MYO5C: variants seen among roughly 807,000 people sequenced by gnomAD.
MYO5C encodes the protein unconventional myosin-Vc.
MYO5C carries 194 observed loss-of-function variants against 235.7 expected under a neutral mutation model. That is an observed-to-expected ratio of 0.82 (90% CI 0.73 to 0.93). The LOEUF (loss-of-function observed/expected upper bound fraction) is 0.93, where lower values mean the gene tolerates loss of function less well. Among genes scored for constraint, MYO5C ranks in the 40% least tolerant of loss-of-function variants. The pLI is 0.00. For synonymous variants in MYO5C, 707 were observed against 754.8 expected (o/e 0.94, Z 1.04); for missense variants, 2,038 against 2,127.2 (o/e 0.96, Z 0.82).
chr15:52,256,473 A>T (rs1209390894), intron 11 of MYO5C, among the ~76,000 whole-genome samples, 166 bp downstream of exon 11: 1 of 151,826 alleles, frequency 6.6e-6, no homozygotes, highest in African/African-American at 2.4e-5. Flanking sequence ...TGATTTCAAG[A>T]TTTGGCCACA....
chr15:52,193,636 G>A lies in MYO5C; in HGVS notation c.*266C>T, dbSNP rs975023332. 2.3e-5 allele frequency: 9 copies of A among 397,298 alleles called. No individual in the cohort carries two copies. Among genetic ancestry groups the A allele is most frequent in the African/African-American group, 6.4e-5 (3 of 46,880 alleles). 24.6% of individuals were successfully genotyped at this position (397,298 alleles called of 1,614,324 possible). ...TCAAGAGGCACGTGGAAGAAAATAT[G>A]AGCCCTCCAGGAATTTCAGTGAAAA... is the stretch of plus-strand genomic sequence containing the variant. On this transcript the variant is annotated 3_prime_UTR_variant, in exon 41 of 41. Transcript: ENST00000261839.
chr15:52,285,734 T>C (rs891898341), intron 1 of MYO5C, among the ~76,000 whole-genome samples: 6 of 152,226 alleles, frequency 3.9e-5, no homozygotes, highest in African/African-American at 1.4e-4. Flanking sequence ...GCTTCCCGAG[T>C]TGCTGGGATT....
chr15:52,261,169 C>T, intron 9 of MYO5C, 42 bp from the exon 10 acceptor site: 1 of 1,603,466 alleles, frequency 6.2e-7, no homozygotes, highest in Non-Finnish European at 8.5e-7. Flanking sequence ...GCCCAGCCAT[C>T]CAAAGACACA....
At chr15:52,203,577 C>T (rs1301582854) in intron 38 of MYO5C, among the ~76,000 whole-genome samples, 1 of 152,122 alleles carries the variant, frequency 6.6e-6, no homozygotes, top group Non-Finnish European at 1.5e-5. Context: ...AACTCCTGAC[C>T]TCAGGTGATC....
intron 30 of MYO5C, 33 bp from the exon 31 acceptor site, chr15:52,219,855 G>C: frequency 6.5e-7 from 1 of 1,529,804 alleles, no homozygotes. Flanking sequence ...TACTTTGGGG[G>C]GGCACATATC....
At chr15:52,227,520 T>C (rs1028549623) in intron 25 of MYO5C, among the ~76,000 whole-genome samples, 10 of 152,004 alleles carry the variant, frequency 6.6e-5, no homozygotes, top group South Asian at 4.1e-4. Flanking sequence ...ATGGATCACA[T>C]TGGAGAGTGA....
In MYO5C at chr15:52,218,585, A is replaced by G; in HGVS notation, c.3888T>C (p.Phe1296=). Residue 1296 remains phenylalanine, a synonymous_variant, in exon 32 of 41, where the codon TTT becomes TTC. Transcript: ENST00000261839. ...TACACTTGACTTCACTTTCAGTTTC[A>G]AATTGTTTCTTCAAGTGGTCACTGG... ...QEASDHLKKQ[F]ETESEVKCNF... 1 of 1,614,192 alleles carries G rather than the reference A, an allele frequency of 6.2e-7. No individual in the cohort carries two copies. The highest frequency in any genetic ancestry group is 2.2e-5 in the East Asian group (1 of 44,886).
Position 52,204,867 on chromosome 15 carries a change from G to C in MYO5C, c.4818C>G (p.Ile1606Met), listed in dbSNP as rs748795927. ...DMCSCRKGMQ[I>M]RCNISYLEEW... ...GAGCGGAGGTTTCTGGGTTTTACCTGATCTGCATCCCTTTTCTGCAGGAGC... is the reference window on the plus strand; with the variant it reads ...GAGCGGAGGTTTCTGGGTTTTACCTCATCTGCATCCCTTTTCTGCAGGAGC... Residue 1606 changes from isoleucine to methionine, a missense_variant and splice_region_variant, in exon 38 of 41, where the codon ATC (isoleucine) becomes ATG (methionine). Transcript: ENST00000261839. 2 of 1,613,800 alleles carry C rather than the reference G, an allele frequency of 1.2e-6. No homozygotes were observed. The highest frequency in any genetic ancestry group is 1.7e-5 in the Admixed American group (1 of 60,020).
chr15:52,232,702 C>G lies in MYO5C; in HGVS notation c.2963-17G>C, dbSNP rs780379467. 6.2e-7 allele frequency: 1 copy of G among 1,611,460 alleles called. No homozygotes were observed. The highest frequency in any genetic ancestry group is 8.5e-7 in the Non-Finnish European group (1 of 1,178,062). ...CCATTTTTTCTGTAAAAAGAGAATG[C>G]TTTTTGAGATATGTCTGCCAAATCA... On this transcript the variant is annotated splice_polypyrimidine_tract_variant and intron_variant, in intron 23 of 40. Transcript: ENST00000261839.
At chr15:52,285,021 C>T (rs1186679409) in intron 1 of MYO5C, among the ~76,000 whole-genome samples, 3 of 151,986 alleles carry the variant, frequency 2.0e-5, no homozygotes, top group Non-Finnish European at 4.4e-5. Context: ...GTTCTTTCAA[C>T]ATTGCATTAT....
chr15:52,211,261 A>G (rs923372718), intron 35 of MYO5C, among the ~76,000 whole-genome samples: 14 of 152,244 alleles, frequency 9.2e-5, no homozygotes, highest in African/African-American at 3.4e-4. Context: ...TCTCATAGCT[A>G]CAATAGCTTA....
In MYO5C at chr15:52,229,194, C is replaced by T. The variant is rs1221738260; in HGVS notation, c.3146G>A (p.Gly1049Glu). Residue 1049 changes from glycine (G) to glutamate (E), a missense_variant, in exon 25 of 41, where the codon GGG (glycine) becomes GAG (glutamate). Gly to Glu is a moderately conservative substitution (Grantham distance 98). Transcript: ENST00000261839. ...CAAGCCATCAGAAGTGACGTGCTCCCCCTCCACCAGGTGTTGGAGTTGCAT... is the reference window on the plus strand; with the variant it reads ...CAAGCCATCAGAAGTGACGTGCTCCTCCTCCACCAGGTGTTGGAGTTGCAT... ...EKMQLQHLVE[G>E]EHVTSDGLKA... The T allele has an allele frequency of 3.1e-6, 5 of 1,614,232 alleles. No individual in the cohort carries two copies. The South Asian group carries it at 5.5e-5, about 18-fold the overall frequency.
intron 32 of MYO5C, among the ~76,000 whole-genome samples, chr15:52,217,199 T>C (rs1353100059): frequency 6.6e-6 from 1 of 152,234 alleles, no homozygotes; most frequent in Admixed American, 6.5e-5. Context: ...TGCTTCTATG[T>C]AACAGTGAGG....
At chr15:52,224,665 T>C (rs972523328) in intron 28 of MYO5C, among the ~76,000 whole-genome samples, 3 of 152,256 alleles carry the variant, frequency 2.0e-5, no homozygotes, top group Non-Finnish European at 2.9e-5. Context: ...TATTTGATAA[T>C]CAGTTTTCAC....
intron 8 of MYO5C, among the ~76,000 whole-genome samples, chr15:52,264,755 G>A: frequency 6.6e-6 from 1 of 152,216 alleles, no homozygotes; most frequent in East Asian, 1.9e-4. Context: ...CCAAGGCGAT[G>A]GCCTTTCATG....
At chr15:52,248,606 AC>A in intron 14 of MYO5C, 93 bp downstream of exon 14, 1 of 635,312 alleles carries the variant, frequency 1.6e-6, no homozygotes, top group Non-Finnish European at 2.7e-6. Context: ...ACACACACAC[AC>A]TCTCTCTCTC....
chr15:52,198,341 A>G (rs2035102707), intron 38 of MYO5C, among the ~76,000 whole-genome samples: 1 of 152,226 alleles, frequency 6.6e-6, no homozygotes. Flanking sequence ...CTCAAAATAA[A>G]GAAAATCAGT....
chr15:52,192,416 A>G lies in MYO5C; in HGVS notation c.*1486T>C, dbSNP rs1267200312. ...TGAAATGAACTAAACTCAATCACTT[A>G]TAATATAAAAAGACATTATTATGTA... On this transcript the variant is annotated 3_prime_UTR_variant, in exon 41 of 41. Transcript: ENST00000261839. 1 of 152,204 alleles carries G rather than the reference A, an allele frequency of 6.6e-6. No homozygotes were observed. Among genetic ancestry groups the G allele is most frequent in the Non-Finnish European group, 1.5e-5 (1 of 68,032 alleles). The allele number at this position is 152,204 out of a possible 1,614,324, so 9.4% of individuals were successfully genotyped here. A position where few individuals can be genotyped will look rare whatever the true frequency, so the allele number is the denominator to read the frequency against.
chr15:52,204,855 T>A lies in MYO5C; in HGVS notation c.4820+10A>T. 2 of 1,612,484 alleles carry A rather than the reference T, an allele frequency of 1.2e-6. No homozygotes were observed. The highest frequency in any genetic ancestry group is 1.7e-6 in the Non-Finnish European group (2 of 1,179,198). On this transcript the variant is annotated intron_variant, in intron 38 of 40. Transcript: ENST00000261839. ...GCCTCTCCGCGTGAGCGGAGGTTTC[T>A]GGGTTTTACCTGATCTGCATCCCTT...
Sources: allele counts gnomAD v4.1 joint callset (sites outside exome capture counted in the v4.1 genomes callset), GRCh38; gene constraint gnomAD v4.1.1; transcripts MANE v1.5; gene names NCBI Gene and HGNC (gene_info 2026-07-23, HGNC 2026-07-21).